The following ABCG1 variants were observed in gnomAD, a reference collection of about 807,000 sequenced individuals.
ABCG1 encodes the protein ATP-binding cassette sub-family G member 1.
Under a neutral mutation model 69.2 loss-of-function variants are expected in ABCG1, and 29 were observed. That is an observed-to-expected ratio of 0.42 (90% confidence interval 0.31 to 0.57). ABCG1 has a LOEUF of 0.57. ABCG1 is among the 20% of genes least tolerant of loss of function. The probability of loss-of-function intolerance (pLI) is 0.15; values close to 1 mark genes in which losing one functional copy is unlikely to be tolerated. For synonymous variants in ABCG1, 370 were observed against 374.8 expected (o/e 0.99, Z 0.15); for missense variants, 718 against 898.1 (o/e 0.80, Z 2.56).
rs934653319 is a variant in ABCG1 at position 42,200,950 on chromosome 21, C to T, written c.-99-627C>T. Among the ~76,000 whole-genome samples the T allele has an allele frequency of 2.0e-5, 3 of 152,094 alleles. No homozygotes were observed. In the South Asian group the frequency reaches 6.2e-4, roughly 32 times the overall value. ...ATTGTTTTTCATTTTTCTTACGTCC[C>T]GAGGTACATGTGCAGGATGTGCAGG... On this transcript the variant is annotated intron_variant, in intron 1 of 15. Coordinates refer to the ABCG1 transcript ENST00000398457.
At chr21:42,227,627 G>C (rs1347380144) in intron 2 of ABCG1, among the ~76,000 whole-genome samples, 2 of 152,212 alleles carry the variant, frequency 1.3e-5, no homozygotes, top group Non-Finnish European at 2.9e-5. Context: ...TGTAGCCAGT[G>C]TTTGCAAGCA....
Position 42,219,840 on chromosome 21 carries a change from G to T in ABCG1, c.42+536G>T. The T allele has an allele frequency of 6.7e-7, 1 of 1,494,978 alleles. No homozygotes were observed. The highest frequency in any genetic ancestry group is 1.3e-5 in the South Asian group (1 of 77,862). 92.6% of individuals were successfully genotyped at this position (1,494,978 alleles called of 1,614,324 possible). ...AGCCGGAGCCTGCGACTGCACTCCC[G>T]GGGACACCCTCTCCCGGACCCACTC... is the stretch of plus-strand genomic sequence containing the variant. On this transcript the variant is annotated intron_variant, in intron 1 of 14. Coordinates refer to ENST00000398449, the MANE Select transcript of ABCG1 (RefSeq NM_016818.3). The surrounding 1 kb of genome is among the most constrained non-coding windows in gnomAD (Gnocchi z 5.3).
chr21:42,232,677 C>T (rs1025089568), intron 2 of ABCG1, among the ~76,000 whole-genome samples: 2 of 152,304 alleles, frequency 1.3e-5, no homozygotes, highest in East Asian at 3.9e-4. Context: ...GCCCCCCTGC[C>T]TTCCTCTACT....
At chr21:42,293,110 CCA>C (rs2069111640) in intron 13 of ABCG1, among the ~76,000 whole-genome samples, 1 of 129,234 alleles carries the variant, frequency 7.7e-6, no homozygotes, top group Non-Finnish European at 1.6e-5. Context: ...ACGGTACACA[CCA>C]CACACTACAC....
intron 6 of ABCG1, among the ~76,000 whole-genome samples, chr21:42,283,805 C>T (rs2068871574): frequency 1.0e-5 from 1 of 96,292 alleles, no homozygotes; most frequent in African/African-American, 4.4e-5. Context: ...TGGGGACCCC[C>T]CCACCTCTGT....
chr21:42,221,101 T>C (rs1029024904), intron 1 of ABCG1: 1 of 152,190 alleles, frequency 6.6e-6, no homozygotes, highest in East Asian at 1.9e-4. Context: ...TTGGAGAACA[T>C]TATTTTATTT....
intron 2 of ABCG1, among the ~76,000 whole-genome samples, chr21:42,260,664 A>G (rs975385457): frequency 1.3e-5 from 2 of 152,132 alleles, no homozygotes; most frequent in African/African-American, 4.8e-5. Context: ...AGCTCCTGCC[A>G]AGGAGCCAAG....
At chr21:42,242,727 T>C (rs1381372779) in intron 2 of ABCG1, among the ~76,000 whole-genome samples, 3 of 152,182 alleles carry the variant, frequency 2.0e-5, no homozygotes, top group African/African-American at 7.2e-5. Context: ...CCCAGTCCTT[T>C]AGAGCCGACC....
intron 2 of ABCG1, among the ~76,000 whole-genome samples, chr21:42,227,975 C>T (rs570327600): frequency 6.6e-6 from 1 of 152,320 alleles, no homozygotes; most frequent in Admixed American, 6.5e-5. Context: ...CCAGTCCCTC[C>T]CTTGACACGT....
intron 2 of ABCG1, among the ~76,000 whole-genome samples, chr21:42,253,562 A>C (rs2068256751): frequency 1.3e-5 from 2 of 152,080 alleles, no homozygotes; most frequent in South Asian, 4.1e-4. Flanking sequence ...AGCCCCTCCT[A>C]GAGAGCGAGG....
rs947742645 is a variant in ABCG1 at position 42,273,760 on chromosome 21, G to T, written c.537+325G>T. On this transcript the variant is annotated intron_variant, in intron 4 of 14. Transcript: ENST00000398449. This position sits in a 1 kb window ranked among gnomAD's most constrained non-coding sequence, Gnocchi z 5.3. ...AGCCACCATACTATTTCTCCTGCAGGCCAGTGCTTGGGATTCTCCTTCCTG... is the reference window on the plus strand; with the variant it reads ...AGCCACCATACTATTTCTCCTGCAGTCCAGTGCTTGGGATTCTCCTTCCTG... 1.3e-5 allele frequency among the ~76,000 whole-genome samples: 2 copies of T among 152,152 alleles called. No homozygotes were observed. The highest frequency in any genetic ancestry group is 2.9e-5 in the Non-Finnish European group (2 of 68,038).
upstream of ABCG1, among the ~76,000 whole-genome samples, chr21:42,212,142 C>T (rs2381038): frequency 1.3e-5 from 2 of 152,122 alleles, no homozygotes; most frequent in African/African-American, 4.8e-5. Flanking sequence ...GTGAACAATA[C>T]ATTTCTGTTG....
chr21:42,272,421 C>T (rs375038198), intron 3 of ABCG1, among the ~76,000 whole-genome samples: 1 of 152,354 alleles, frequency 6.6e-6, no homozygotes, highest in African/African-American at 2.4e-5. Context: ...CCAGCCTGTG[C>T]CTGGAGGAGA....
intron 2 of ABCG1, among the ~76,000 whole-genome samples, chr21:42,202,119 C>A (rs2067511405): frequency 6.6e-6 from 1 of 152,200 alleles, no homozygotes; most frequent in Admixed American, 6.5e-5. Flanking sequence ...CGGATGGATC[C>A]CCACCCCTGG....
upstream of ABCG1, among the ~76,000 whole-genome samples, chr21:42,214,107 T>C (rs2067615223): frequency 6.6e-6 from 1 of 152,244 alleles, no homozygotes; most frequent in African/African-American, 2.4e-5. Flanking sequence ...AATGTTGGGG[T>C]TCCCCCTAAA....
At chr21:42,280,770 C>T (rs947095676) in intron 5 of ABCG1, among the ~76,000 whole-genome samples, 2 of 152,242 alleles carry the variant, frequency 1.3e-5, no homozygotes, top group African/African-American at 4.8e-5. Flanking sequence ...CACAGTGAGC[C>T]TGGAAGCACC....
intron 13 of ABCG1, 62 bp from the exon 14 acceptor site, chr21:42,294,480 T>A (rs998242105): frequency 7.2e-7 from 1 of 1,383,688 alleles, no homozygotes; most frequent in Non-Finnish European, 1.0e-6. Flanking sequence ...TGGGCGAGCC[T>A]CCTCTGCAGG....
intron 2 of ABCG1, among the ~76,000 whole-genome samples, chr21:42,268,854 T>A (rs933031389): frequency 2.6e-5 from 4 of 152,180 alleles, no homozygotes; most frequent in African/African-American, 9.7e-5. Context: ...GTCCTGTTCC[T>A]GGGGTCCTGG....
upstream of ABCG1, among the ~76,000 whole-genome samples, chr21:42,211,883 T>C (rs1360797169): frequency 6.6e-6 from 1 of 152,040 alleles, no homozygotes; most frequent in Non-Finnish European, 1.5e-5. Context: ...AGCAAGACTC[T>C]GTCTTAAAAA....
Sources: allele counts gnomAD v4.1 joint callset (sites outside exome capture counted in the v4.1 genomes callset), GRCh38; gene constraint gnomAD v4.1.1; non-coding constraint Gnocchi (gnomAD v3.1); transcripts MANE v1.5; gene names NCBI Gene and HGNC (gene_info 2026-07-23, HGNC 2026-07-21).